Variants in RGL1 observed in about 807,000 individuals in gnomAD.
The protein encoded by RGL1 is ral guanine nucleotide dissociation stimulator like 1.
A neutral mutation model predicts 95.2 loss-of-function variants in RGL1; 24 were observed. The ratio of observed to expected loss-of-function variants is 0.25; its 90% confidence interval spans 0.18 to 0.35. RGL1 has a LOEUF of 0.35. Ranked by LOEUF, RGL1 falls within the 10% of genes least tolerant of loss-of-function variation. The pLI, the probability that RGL1 is intolerant of heterozygous loss-of-function variation, is 1.00. For missense variants in RGL1, 715 were observed against 936.3 expected (o/e 0.76, Z 3.08); for synonymous variants, 329 against 344.9 (o/e 0.95, Z 0.51).
At chr1:183,665,325 T>A (rs1651955175) in intron 1 of RGL1, among the ~76,000 whole-genome samples, 1 of 152,034 alleles carries the variant, frequency 6.6e-6, no homozygotes, top group Non-Finnish European at 1.5e-5. Flanking sequence ...ACATCTATGT[T>A]CATGAGAGAT....
At chr1:183,674,990 G>T (rs370961567) in intron 1 of RGL1, among the ~76,000 whole-genome samples, 1 of 152,202 alleles carries the variant, frequency 6.6e-6, no homozygotes, top group African/African-American at 2.4e-5. Context: ...CCTGTCAAAA[G>T]GAATTGACCA....
chr1:183,774,214 T>C (rs987102495), intron 2 of RGL1, among the ~76,000 whole-genome samples: 2 of 152,218 alleles, frequency 1.3e-5, no homozygotes, highest in African/African-American at 4.8e-5. Flanking sequence ...GAGGCTTCAC[T>C]GTCCCAGACC....
At chr1:183,684,831 G>A (rs1653466884) in intron 1 of RGL1, among the ~76,000 whole-genome samples, 1 of 152,156 alleles carries the variant, frequency 6.6e-6, no homozygotes, top group Non-Finnish European at 1.5e-5. Context: ...GCTTCCCTTG[G>A]CTAGGGGAAG....
At chr1:183,822,536 A>G (rs1558228948) in intron 2 of RGL1, among the ~76,000 whole-genome samples, 1 of 152,126 alleles carries the variant, frequency 6.6e-6, no homozygotes, top group Non-Finnish European at 1.5e-5. Flanking sequence ...GAGTATTTCC[A>G]GTCCTGTTGG....
intron 2 of RGL1, among the ~76,000 whole-genome samples, chr1:183,825,659 A>G (rs903129611): frequency 4.6e-5 from 7 of 152,222 alleles, no homozygotes; most frequent in East Asian, 1.9e-4. Context: ...AATGCATATC[A>G]TATCAATTCT....
intron 1 of RGL1, among the ~76,000 whole-genome samples, chr1:183,721,504 G>GT: frequency 6.6e-6 from 1 of 152,276 alleles, no homozygotes; most frequent in Non-Finnish European, 1.5e-5. Flanking sequence ...AGGCTCAATA[G>GT]TAAGTATGAG....
rs752802267 is a variant in RGL1, at chr1:183,900,597, C to T, written c.1317+361C>T. On this transcript the variant is annotated intron_variant, in intron 11 of 17. Transcript: ENST00000360851. ...TTGGCTCACTGCAATCTCTGCCTCTCGGGTTCAAGCAATTCTCCTGCCTCA... is the reference window on the plus strand; with the variant it reads ...TTGGCTCACTGCAATCTCTGCCTCTTGGGTTCAAGCAATTCTCCTGCCTCA... 5.3e-5 allele frequency among the ~76,000 whole-genome samples: 8 copies of T among 152,200 alleles called. No individual in the cohort carries two copies. In the South Asian group the frequency reaches 6.2e-4, roughly 12 times the overall value.
intron 1 of RGL1, among the ~76,000 whole-genome samples, chr1:183,712,071 C>G (rs575731978): frequency 1.3e-5 from 2 of 152,190 alleles, no homozygotes; most frequent in African/African-American, 4.8e-5. Flanking sequence ...TTTGAAGAGC[C>G]ATGGAAATGA....
At chr1:183,666,242 T>C (rs1652032627) in intron 1 of RGL1, among the ~76,000 whole-genome samples, 1 of 152,020 alleles carries the variant, frequency 6.6e-6, no homozygotes, top group Non-Finnish European at 1.5e-5. Context: ...CGACCTCCGG[T>C]GATCCACCCG....
chr1:183,713,227 T>C (rs1655395501), intron 1 of RGL1, among the ~76,000 whole-genome samples: 1 of 152,072 alleles, frequency 6.6e-6, no homozygotes, highest in African/African-American at 2.4e-5. Context: ...GGTTTTGCCA[T>C]GTTGGCCGGG....
At chr1:183,757,966 A>G (rs1658444817) in intron 2 of RGL1, among the ~76,000 whole-genome samples, 1 of 152,164 alleles carries the variant, frequency 6.6e-6, no homozygotes, top group Non-Finnish European at 1.5e-5. Flanking sequence ...CAGGGCATCA[A>G]CTTCAGCTCA....
chr1:183,835,742 G>C (rs1663603024), intron 2 of RGL1, among the ~76,000 whole-genome samples: 1 of 152,116 alleles, frequency 6.6e-6, no homozygotes, highest in Non-Finnish European at 1.5e-5. Context: ...GAAAGTAGTT[G>C]GTGTAGGGGA....
chr1:183,706,116 G>A (rs950410650), intron 1 of RGL1, among the ~76,000 whole-genome samples: 12 of 152,148 alleles, frequency 7.9e-5, no homozygotes, highest in African/African-American at 1.2e-4. Flanking sequence ...GGGTTGATGC[G>A]TTGGGTACTA....
chr1:183,799,898 GGTGTGAAA>G (rs1353224489), intron 2 of RGL1, among the ~76,000 whole-genome samples: 2 of 152,198 alleles, frequency 1.3e-5, no homozygotes, highest in East Asian at 3.8e-4. Context: ...AAAGGGAAAT[GGTGTGAAA>G]GTAGAGAGAG....
chr1:183,736,160 CTGTT>C (rs1656926796), intron 1 of RGL1, among the ~76,000 whole-genome samples: 1 of 152,160 alleles, frequency 6.6e-6, no homozygotes, highest in South Asian at 2.1e-4. Flanking sequence ...TAATATCATA[CTGTT>C]TGTTTGACTT....
chr1:183,661,933 C>T (rs1212861954), intron 1 of RGL1, among the ~76,000 whole-genome samples: 2 of 150,106 alleles, frequency 1.3e-5, no homozygotes, highest in Non-Finnish European at 2.9e-5. Flanking sequence ...TGTAATCCAG[C>T]ATATAAACAG....
chr1:183,688,370 A>G (rs977048897), intron 1 of RGL1, among the ~76,000 whole-genome samples: 1 of 152,206 alleles, frequency 6.6e-6, no homozygotes, highest in Non-Finnish European at 1.5e-5. Context: ...CACCTTTTAT[A>G]TAGCACCATC....
chr1:183,920,377 A>G (rs1198959858), intron 16 of RGL1, among the ~76,000 whole-genome samples: 2 of 152,202 alleles, frequency 1.3e-5, no homozygotes, highest in Non-Finnish European at 2.9e-5. Flanking sequence ...TTAAAATGAA[A>G]TATGTGGCTC....
intron 2 of RGL1, among the ~76,000 whole-genome samples, chr1:183,845,792 A>G (rs1036952208): frequency 6.6e-6 from 1 of 152,198 alleles, no homozygotes; most frequent in Non-Finnish European, 1.5e-5. Flanking sequence ...CCAGTTTTTC[A>G]AGCTATCAAC....
Sources: gnomAD v4.1 joint callset for allele counts (sites outside exome capture counted in the v4.1 genomes callset) on GRCh38, gnomAD v4.1.1 for gene constraint, MANE v1.5 for transcripts, NCBI Gene and HGNC (gene_info 2026-07-23, HGNC 2026-07-21) for gene names.